The following MYH3 variants were observed in gnomAD, a reference collection of about 807,000 sequenced individuals.
MYH3 encodes myosin heavy chain 3, also known as myosin-3.
Under a neutral mutation model 238.0 loss-of-function variants are expected in MYH3, and 130 were observed. That is an observed-to-expected ratio of 0.55 (90% confidence interval 0.47 to 0.63). The LOEUF is 0.63. MYH3 is among the 30% of genes least tolerant of loss of function. The pLI, the probability that MYH3 is intolerant of heterozygous loss-of-function variation, is 0.00. For synonymous variants in MYH3, 880 were observed against 924.1 expected (o/e 0.95, Z 0.86); for missense variants, 1,853 against 2,374.9 (o/e 0.78, Z 4.57).
chr17:10,648,826 C>T (rs781008798), intron 7 of MYH3, among the ~76,000 whole-genome samples, 177 bp from the exon 8 acceptor site: 1 of 152,184 alleles, frequency 6.6e-6, no homozygotes, highest in Non-Finnish European at 1.5e-5. Flanking sequence ...CAGGCATGCA[C>T]TACCATGCCC....
At chr17:10,633,038 C>G (rs2074180698) in intron 33 of MYH3, among the ~76,000 whole-genome samples, 1 of 152,070 alleles carries the variant, frequency 6.6e-6, no homozygotes, top group East Asian at 1.9e-4. Context: ...GTAGTGAAAC[C>G]CTGTCTCTAC....
the MYH3 span, chr17:10,678,260 A>G: frequency 6.6e-6 from 1 of 152,260 alleles, no homozygotes; most frequent in East Asian, 1.9e-4. Context: ...CAGAACAAAC[A>G]GGAACCTACC....
At position 10,631,767 on chromosome 17, in the gene MYH3, G is replaced by C. The variant is rs374189573; in HGVS notation, c.5161-31C>G. On this transcript the variant is annotated intron_variant, in intron 35 of 40. Coordinates refer to ENST00000583535, the MANE Select transcript of MYH3 (RefSeq NM_002470.4). ...GCAAGAGGAGGGCTGTTAACCAGGTGCGTATGAGGCTGGAACCTCGCCTCT... is the reference window on the plus strand; with the variant it reads ...GCAAGAGGAGGGCTGTTAACCAGGTCCGTATGAGGCTGGAACCTCGCCTCT... The C allele has an allele frequency of 2.5e-6, 4 of 1,614,054 alleles. No homozygotes were observed. The African/African-American group carries it at 5.3e-5, about 22-fold the overall frequency.
At chr17:10,638,992 G>C (rs2074243820) in intron 25 of MYH3, 29 bp from the exon 26 acceptor site, 2 of 1,614,106 alleles carry the variant, frequency 1.2e-6, no homozygotes, top group Non-Finnish European at 1.7e-6. Context: ...AATGCATGAA[G>C]ACAAAATACA....
intron 31 of MYH3, among the ~76,000 whole-genome samples, chr17:10,634,633 CA>C (rs2074196049): frequency 1.3e-5 from 2 of 152,160 alleles, no homozygotes; most frequent in Non-Finnish European, 2.9e-5. Flanking sequence ...TTTCCACGGA[CA>C]ACATTTGAAA....
chr17:10,650,105 G>A (rs1201950433), intron 6 of MYH3, among the ~76,000 whole-genome samples: 1 of 152,090 alleles, frequency 6.6e-6, no homozygotes, highest in Non-Finnish European at 1.5e-5. Context: ...CTGAGTAGCT[G>A]TGACTACAGG....
chr17:10,671,041 C>A, the MYH3 span, among the ~76,000 whole-genome samples: 8 of 152,124 alleles, frequency 5.3e-5, no homozygotes, highest in Non-Finnish European at 5.9e-5. Context: ...CAGGCACGCA[C>A]CACCACGCCC....
Position 10,640,382 on chromosome 17 carries a change from A to G in MYH3, c.2377T>C (p.Cys793Arg). Residue 793 changes from cysteine to arginine, a missense_variant, in exon 21 of 41, where the codon TGC (cysteine) becomes CGC (arginine). Around this residue, in one of 3 missense-constraint regions of MYH3, gnomAD observed 678 missense variants for 1,058.9 expected, o/e 0.64. Coordinates refer to ENST00000583535, the MANE Select transcript of MYH3 (RefSeq NM_002470.4). Reference sequence around the variant, plus strand: ...TCCACACGCATGAGGAACCCTCTGCACACAGCTTGTGTCCGGGTGATTAGT... The same window carrying G: ...TCCACACGCATGAGGAACCCTCTGCGCACAGCTTGTGTCCGGGTGATTAGT... Reference protein sequence around the residue: ...AKLITRTQAVCRGFLMRVEFQ... With the variant: ...AKLITRTQAVRRGFLMRVEFQ... 1 of 1,614,234 alleles carries G rather than the reference A, an allele frequency of 6.2e-7. No individual in the cohort carries two copies. Among genetic ancestry groups the G allele is most frequent in the East Asian group, 2.2e-5 (1 of 44,886 alleles).
intron 8 of MYH3, 108 bp from the exon 9 acceptor site, chr17:10,647,534 TTTTG>T (rs2142414231): frequency 1.1e-6 from 1 of 912,686 alleles, no homozygotes; most frequent in Non-Finnish European, 1.6e-6. Flanking sequence ...AAAATTTTTG[TTTTG>T]TTTTGTTTTG....
intron 39 of MYH3, 52 bp downstream of exon 39, chr17:10,629,787 TCAC>T: frequency 6.2e-7 from 1 of 1,614,130 alleles, no homozygotes. Context: ...CTCTCAGAAC[TCAC>T]CACGGGAAAC....
In MYH3 at chr17:10,648,614, G is replaced by A; in HGVS notation, c.678C>T (p.Pro226=). The A allele has an allele frequency of 6.2e-7, 1 of 1,614,090 alleles. No individual in the cohort carries two copies. The highest frequency in any genetic ancestry group is 8.5e-7 in the Non-Finnish European group (1 of 1,179,982). ...TGGCGTTCCCAAAGGCCTCCAGCAGGGGATTGGCACTGATGATTTGATCTT... is the reference window on the plus strand; with the variant it reads ...TGGCGTTCCCAAAGGCCTCCAGCAGAGGATTGGCACTGATGATTTGATCTT... ...TLEDQIISAN[P]LLEAFGNAKT... is the part of the protein sequence containing the mutation. The change falls in exon 8 of 41, where the codon CCC becomes CCT. Residue 226 remains proline, a synonymous_variant. Coordinates refer to ENST00000583535, the MANE Select transcript of MYH3 (RefSeq NM_002470.4).
At chr17:10,634,574 G>A (rs556298508) in intron 31 of MYH3, among the ~76,000 whole-genome samples, 100 of 152,296 alleles carry the variant, frequency 6.6e-4, no homozygotes, top group South Asian at 6.2e-3. Flanking sequence ...CCAGTAGTAC[G>A]GAAAGGAAAA....
chr17:10,635,907 A>G, intron 28 of MYH3, 54 bp from the exon 29 acceptor site: 1 of 1,439,956 alleles, frequency 6.9e-7, no homozygotes, highest in Non-Finnish European at 9.8e-7. Flanking sequence ...TCACTCACCA[A>G]CTTTCTATTA....
At chr17:10,648,769 G>C (rs1458590244) in intron 7 of MYH3, 120 bp from the exon 8 acceptor site, 16 of 812,484 alleles carry the variant, frequency 2.0e-5, no homozygotes, top group Middle Eastern at 3.5e-4. Flanking sequence ...TCCACCTCCC[G>C]GGTTCATGTG....
intron 36 of MYH3, 134 bp downstream of exon 36, chr17:10,631,477 C>T (rs980637325): frequency 1.8e-5 from 24 of 1,302,858 alleles, no homozygotes; most frequent in Middle Eastern, 2.3e-4. Context: ...GGAGTTTGAG[C>T]GGAGATGGGA....
upstream of MYH3, among the ~76,000 whole-genome samples, chr17:10,659,842 G>A (rs548357678): frequency 3.3e-4 from 51 of 152,342 alleles, no homozygotes; most frequent in Middle Eastern, 3.4e-3. Flanking sequence ...CCAGCGTCAG[G>A]GATAGAGGTC....
In MYH3 at chr17:10,654,154, TTTC is replaced by T. The variant is rs1247062490; in HGVS notation, c.204+704_204+706del. Among the ~76,000 whole-genome samples, 2 of 72,474 alleles carry T rather than the reference TTTC, an allele frequency of 2.8e-5. No individual in the cohort carries two copies. The highest frequency in any genetic ancestry group is 8.2e-5 in the Non-Finnish European group (2 of 24,430). The allele number at this position is 72,474 out of a possible 152,430, so 47.5% of individuals were successfully genotyped here. ...CTTTTATTTTCTTTCTTTCTTTCTC[TTTC>T]TTTCTTTCCTTCCTTCCTTGCTTTC... On this transcript the variant is annotated intron_variant, in intron 3 of 40. Transcript: ENST00000583535. The surrounding 1 kb of genome is among the most constrained non-coding windows in gnomAD (Gnocchi z 4.5).
intron 19 of MYH3, 78 bp downstream of exon 19, chr17:10,641,007 A>G: frequency 8.4e-7 from 1 of 1,193,384 alleles, no homozygotes; most frequent in Non-Finnish European, 1.3e-6. Flanking sequence ...AGGTCTTTTC[A>G]TACGAATCTT....
At chr17:10,631,483 T>C (rs1330932768) in intron 36 of MYH3, 128 bp downstream of exon 36, 4 of 1,387,132 alleles carry the variant, frequency 2.9e-6, no homozygotes, top group Non-Finnish European at 4.0e-6. Context: ...TGAGCGGAGA[T>C]GGGAGCCCTC....
Sources: gnomAD v4.1 joint callset for allele counts (sites outside exome capture counted in the v4.1 genomes callset) on GRCh38, gnomAD v4.1.1 for gene constraint, gnomAD v4.1.1 regional missense constraint, Gnocchi (gnomAD v3.1) non-coding constraint, MANE v1.5 for transcripts, NCBI Gene and HGNC (gene_info 2026-07-23, HGNC 2026-07-21) for gene names.